ZNF562: variants seen among roughly 807,000 people sequenced by gnomAD.
The protein encoded by ZNF562 is zinc finger protein 562.
ZNF562 carries 13 observed loss-of-function variants against 17.5 expected under a neutral mutation model. That is an observed-to-expected ratio of 0.74 (90% CI 0.48 to 1.18). The LOEUF (loss-of-function observed/expected upper bound fraction) is 1.18, where lower values mean the gene tolerates loss of function less well. Among genes scored for constraint, ZNF562 ranks in the 50% most tolerant of loss-of-function variants. ZNF562 has a pLI of 0.00. For missense variants in ZNF562, 481 were observed against 498.5 expected (o/e 0.96, Z 0.33); for synonymous variants, 163 against 165.4 (o/e 0.99, Z 0.11).
At chr19:9,663,438 G>T (rs1267947958) in intron 1 of ZNF562, among the ~76,000 whole-genome samples, 2 of 148,190 alleles carry the variant, frequency 1.3e-5, no homozygotes, top group African/African-American at 5.0e-5. Flanking sequence ...AAAAAGAAAA[G>T]AAACAGCCAG....
chr19:9,671,802 TG>T (rs1268022769), intron 1 of ZNF562, among the ~76,000 whole-genome samples: 14 of 152,354 alleles, frequency 9.2e-5, no homozygotes, highest in African/African-American at 3.4e-4. Context: ...CATGCCCTCT[TG>T]TGCAGATTAA....
intron 1 of ZNF562, among the ~76,000 whole-genome samples, chr19:9,663,602 G>A (rs533529176): frequency 1.3e-5 from 2 of 151,696 alleles, no homozygotes; most frequent in African/African-American, 4.8e-5. Flanking sequence ...TTTTTGAGAC[G>A]GAGTCTTGCT....
chr19:9,674,153 T>C (rs143674206), intron 1 of ZNF562, among the ~76,000 whole-genome samples: 12 of 152,214 alleles, frequency 7.9e-5, no homozygotes, highest in Non-Finnish European at 1.5e-4. Flanking sequence ...CTAATTCCAA[T>C]TGGCTAATTT....
chr19:9,642,604 T>TA lies in ZNF562; in HGVS notation c.*10344dup, dbSNP rs1319324881. 2 of 151,864 alleles carry TA rather than the reference T, an allele frequency of 1.3e-5. No homozygotes were observed. Among genetic ancestry groups the TA allele is most frequent in the African/African-American group, 4.8e-5 (2 of 41,314 alleles). 9.4% of individuals were successfully genotyped at this position (151,864 alleles called of 1,614,324 possible). A position where few individuals can be genotyped will look rare whatever the true frequency, so the allele number is the denominator to read the frequency against. ...TTATTCTTTTACATATTTAATTTTTTAAAAAATCAACAAAGATAGAGGGAA... is the reference window on the plus strand; with the variant it reads ...TTATTCTTTTACATATTTAATTTTTTAAAAAAATCAACAAAGATAGAGGGAA... On this transcript the variant is annotated 3_prime_UTR_variant, in exon 6 of 6. Coordinates refer to ENST00000453372, the MANE Select transcript of ZNF562 (RefSeq NM_001130031.2).
intron 1 of ZNF562, among the ~76,000 whole-genome samples, chr19:9,674,210 C>T (rs2044313892): frequency 6.6e-6 from 1 of 151,802 alleles, no homozygotes; most frequent in South Asian, 2.1e-4. Flanking sequence ...ATGGTTATAA[C>T]AGAGCAGGAA....
chr19:9,666,278 G>A (rs1292966196), intron 1 of ZNF562, among the ~76,000 whole-genome samples: 6 of 147,184 alleles, frequency 4.1e-5, no homozygotes, highest in Admixed American at 6.9e-5. Flanking sequence ...AGCCGAGATC[G>A]CACTATTGCA....
At chr19:9,664,779 A>T (rs890971291) in intron 1 of ZNF562, among the ~76,000 whole-genome samples, 1 of 151,510 alleles carries the variant, frequency 6.6e-6, no homozygotes, top group African/African-American at 2.4e-5. Context: ...TAATCCCAGC[A>T]CTCTGGGAGG....
intron 1 of ZNF562, among the ~76,000 whole-genome samples, chr19:9,664,816 G>A (rs888029246): frequency 6.6e-6 from 1 of 151,996 alleles, no homozygotes; most frequent in African/African-American, 2.4e-5. Context: ...ATGAGGTACA[G>A]CCTGGGCGAC....
intron 1 of ZNF562, among the ~76,000 whole-genome samples, chr19:9,672,233 T>A (rs1356941682): frequency 6.6e-6 from 1 of 152,164 alleles, no homozygotes; most frequent in East Asian, 1.9e-4. Context: ...AGAGCATACG[T>A]TGAATCAATG....
At position 9,648,335 on chromosome 19, in the gene ZNF562, C is replaced by A. The variant is rs1333699573; in HGVS notation, c.*4614G>T. ...TTTATTTATTTTTGACAGAGTCGCA[C>A]CCTGTCACCCAGCATGGAGTGCAGT... On this transcript the variant is annotated 3_prime_UTR_variant, in exon 6 of 6. Coordinates refer to ENST00000453372, the MANE Select transcript of ZNF562 (RefSeq NM_001130031.2). 1 of 152,142 alleles carries A rather than the reference C, an allele frequency of 6.6e-6. No homozygotes were observed. Among genetic ancestry groups the A allele is most frequent in the Non-Finnish European group, 1.5e-5 (1 of 68,032 alleles). The allele number at this position is 152,142 out of a possible 1,614,324, so 9.4% of individuals were successfully genotyped here.
chr19:9,655,436 C>G (rs530634938), intron 5 of ZNF562, among the ~76,000 whole-genome samples: 2 of 152,226 alleles, frequency 1.3e-5, no homozygotes, highest in South Asian at 4.1e-4. Context: ...CTCCAGAGAC[C>G]CTGCTCCCTC....
intron 1 of ZNF562, among the ~76,000 whole-genome samples, chr19:9,669,726 GCGCGCGCGCACACACA>G (rs1207666918): frequency 1.1e-4 from 9 of 85,082 alleles, no homozygotes; most frequent in Admixed American, 3.2e-4. Flanking sequence ...GAGCGCGCGC[GCGCGCGCGCACACACA>G]CACACACACA....
chr19:9,657,678 C>T (rs2043560162), intron 4 of ZNF562, among the ~76,000 whole-genome samples: 1 of 151,418 alleles, frequency 6.6e-6, no homozygotes, highest in Admixed American at 6.6e-5. Context: ...TCCCGAGTAA[C>T]TGGGACTACA....
In ZNF562 at chr19:9,656,449, C is replaced by T. The variant is rs143215188; in HGVS notation, c.348+98G>A. On this transcript the variant is annotated intron_variant, in intron 5 of 5. Transcript: ENST00000453372. ...GCTTGAACCTGGGAGTTGGAGGTTG[C>T]GGTGAGCTGAGATGGTGCCACTGCA... The T allele has an allele frequency of 8.3e-4, 1,109 of 1,333,370 alleles. 2 individuals are homozygous for T. Among genetic ancestry groups the T allele is most frequent in the Middle Eastern group, 4.0e-3 (15 of 3,748 alleles). 82.6% of individuals were successfully genotyped at this position (1,333,370 alleles called of 1,614,324 possible).
In ZNF562 at chr19:9,653,862, C is replaced by T; in HGVS notation, c.368G>A (p.Gly123Glu). The change falls in exon 6 of 6, where the codon GGA becomes GAA. Residue 123 changes from glycine to glutamate, a missense_variant. Gly to Glu is a moderately conservative substitution (Grantham distance 98). Transcript: ENST00000453372. ...TCCACAATTCTCACAGAGTTTCCATCCACTGTAGCTTCTTGTCTGCTGATG... is the reference window on the plus strand; with the variant it reads ...TCCACAATTCTCACAGAGTTTCCATTCACTGTAGCTTCTTGTCTGCTGATG... Reference protein sequence around the residue: ...GIQMQTRSYSGWKLCENCGEV... With the variant: ...GIQMQTRSYSEWKLCENCGEV... The T allele has an allele frequency of 3.2e-6, 5 of 1,584,542 alleles. No homozygotes were observed. In the South Asian group the frequency reaches 5.8e-5, roughly 19 times the overall value.
At position 9,642,323 on chromosome 19, in the gene ZNF562, C is replaced by T. The variant is rs1444039766; in HGVS notation, c.*10626G>A. ...AAAAAAACAGGGTTTCACTCTGTCACACAGGCTGAAGTATAGTGGCATTAT... is the reference window on the plus strand; with the variant it reads ...AAAAAAACAGGGTTTCACTCTGTCATACAGGCTGAAGTATAGTGGCATTAT... On this transcript the variant is annotated 3_prime_UTR_variant, in exon 6 of 6. Coordinates refer to ENST00000453372, the MANE Select transcript of ZNF562 (RefSeq NM_001130031.2). The T allele has an allele frequency of 1.3e-5, 2 of 150,988 alleles. No individual in the cohort carries two copies. The highest frequency in any genetic ancestry group is 4.9e-5 in the African/African-American group (2 of 40,942). The allele number at this position is 150,988 out of a possible 1,614,324, so 9.4% of individuals were successfully genotyped here. A position where few individuals can be genotyped will look rare whatever the true frequency, so the allele number is the denominator to read the frequency against.
At chr19:9,657,919 A>C (rs2043575612) in intron 4 of ZNF562, 90 bp downstream of exon 4, 8 of 1,471,020 alleles carry the variant, frequency 5.4e-6, no homozygotes, top group Non-Finnish European at 6.4e-6. Flanking sequence ...TCAAACTCCC[A>C]GGCTCCAGCG....
intron 2 of ZNF562, among the ~76,000 whole-genome samples, chr19:9,660,396 G>A (rs1599292528): frequency 6.6e-6 from 1 of 152,150 alleles, no homozygotes; most frequent in South Asian, 2.1e-4. Context: ...GGAGGCCGAG[G>A]CAGGCAAATC....
chr19:9,669,777 A>ACAG (rs2044113600), intron 1 of ZNF562, among the ~76,000 whole-genome samples: 1 of 88,696 alleles, frequency 1.1e-5, no homozygotes, highest in South Asian at 4.8e-4. Flanking sequence ...CACACACACA[A>ACAG]CCAGTCAGGG....
Sources: allele counts gnomAD v4.1 joint callset (sites outside exome capture counted in the v4.1 genomes callset), GRCh38; gene constraint gnomAD v4.1.1; transcripts MANE v1.5; gene names NCBI Gene and HGNC (gene_info 2026-07-23, HGNC 2026-07-21).